GPM6B: variants seen among roughly 807,000 people sequenced by gnomAD.
The protein encoded by GPM6B is neuronal membrane glycoprotein M6-b.
In GPM6B, 4 loss-of-function variants were observed where a neutral mutation model predicts 27.2. The ratio of observed to expected loss-of-function variants is 0.15; its 90% CI spans 0.07 to 0.34. The LOEUF (loss-of-function observed/expected upper bound fraction) is 0.34. Ranked by LOEUF, GPM6B falls within the 10% of genes least tolerant of loss-of-function variation. GPM6B has a pLI of 1.00. For missense variants in GPM6B, 183 were observed against 261.9 expected (o/e 0.70, Z 2.08); for synonymous variants, 124 against 103.1 (o/e 1.20, Z -1.23).
At chrX:13,885,314 A>G (rs2050124172) in intron 1 of GPM6B, among the ~76,000 whole-genome samples, 1 of 112,611 alleles carries the variant, frequency 8.9e-6, no homozygotes, top group Non-Finnish European at 1.9e-5. Flanking sequence ...TCCATTAATT[A>G]TCTTACTTGC....
intron 1 of GPM6B, among the ~76,000 whole-genome samples, chrX:13,864,019 A>T (rs2049881370): frequency 8.9e-6 from 1 of 112,263 alleles, no homozygotes; most frequent in South Asian, 3.7e-4. Context: ...GCCATGGTTC[A>T]TTTTTTGTGG....
At chrX:13,916,663 ATGTGTG>A (rs55844856) in intron 1 of GPM6B, among the ~76,000 whole-genome samples, 1,332 of 90,160 alleles carry the variant, frequency 0.015, 15 homozygotes, top group African/African-American at 0.024. Flanking sequence ...TAGTTTATTA[ATGTGTG>A]TGTGTGTGTG....
rs753762413 is a variant in GPM6B, at chrX:13,806,004, A to T, written c.181+1646T>A. The stretch of plus-strand genomic sequence containing the variant: ...GTTTTTTTTGCTGCTTTTTTTTTCA[A>T]AAGCAGCTTTACTGAGATATAATTT... On this transcript the variant is annotated intron_variant, in intron 2 of 7. Transcript: ENST00000316715. Among the ~76,000 whole-genome samples the T allele has an allele frequency of 2.7e-5, 3 of 111,321 alleles. No homozygotes were observed. The South Asian group carries it at 1.1e-3, about 43-fold the overall frequency.
intron 1 of GPM6B, among the ~76,000 whole-genome samples, chrX:13,854,866 C>T (rs904757221): frequency 1.8e-5 from 2 of 111,349 alleles, no homozygotes; most frequent in African/African-American, 3.3e-5. Flanking sequence ...AGTTCTTCTC[C>T]CAACCTCTCT....
At chrX:13,892,606 G>T (rs2050198574) in intron 1 of GPM6B, among the ~76,000 whole-genome samples, 1 of 111,644 alleles carries the variant, frequency 9.0e-6, no homozygotes, top group African/African-American at 3.3e-5. Context: ...TGTCACCCAG[G>T]CTGGATTCAA....
chrX:13,861,166 C>T (rs771677526), intron 1 of GPM6B, among the ~76,000 whole-genome samples: 4 of 106,007 alleles, frequency 3.8e-5, no homozygotes, highest in Admixed American at 3.1e-4. Flanking sequence ...TACACACATA[C>T]ATATATATAT....
intron 1 of GPM6B, among the ~76,000 whole-genome samples, chrX:13,815,747 C>T (rs1216374134): frequency 8.9e-6 from 1 of 111,962 alleles, no homozygotes; most frequent in Non-Finnish European, 1.9e-5. Context: ...TACTGTGAAG[C>T]TGAAGTACAT....
intron 1 of GPM6B, among the ~76,000 whole-genome samples, chrX:13,811,435 G>A (rs2049129888): frequency 8.9e-6 from 1 of 112,184 alleles, no homozygotes; most frequent in African/African-American, 3.2e-5. Context: ...ACTGAGCAAG[G>A]TCTTTCAAAG....
chrX:13,787,041 CAAAAAAAAAAA>C (rs869123073), intron 2 of GPM6B, among the ~76,000 whole-genome samples: 35 of 24,509 alleles, frequency 1.4e-3, no homozygotes, highest in South Asian at 8.8e-3. Flanking sequence ...ATTAAGCCAG[CAAAAAAAAAAA>C]AAAAAAAAAA....
intron 1 of GPM6B, among the ~76,000 whole-genome samples, chrX:13,844,630 A>G (rs1240322874): frequency 8.9e-6 from 1 of 111,973 alleles, no homozygotes; most frequent in African/African-American, 3.2e-5. Flanking sequence ...TTGGAGCCCA[A>G]GTATGTGGAG....
intron 1 of GPM6B, among the ~76,000 whole-genome samples, chrX:13,896,285 G>A (rs2050232188): frequency 9.3e-6 from 1 of 107,307 alleles, no homozygotes; most frequent in Non-Finnish European, 1.9e-5. Flanking sequence ...TAAGAGAAAT[G>A]AGACCTCCAT....
chrX:13,783,305 T>C, intron 4 of GPM6B, 60 bp downstream of exon 4: 1 of 1,005,108 alleles, frequency 9.9e-7, no homozygotes, highest in East Asian at 3.3e-5. Context: ...TACAAGGAAA[T>C]ACATCAAGGC....
rs2049981036 is a variant in GPM6B, at chrX:13,871,789, C to T, written c.-198+66538G>A. Among the ~76,000 whole-genome samples the T allele has an allele frequency of 3.6e-5, 4 of 112,250 alleles. No homozygotes were observed. In the South Asian group the frequency reaches 1.1e-3, roughly 31 times the overall value. Reference sequence around the variant, plus strand: ...CCACATGTGCTAGTGGCTGCCAAATCGGACAACACAAATATAGAGCATTTC... The same window carrying T: ...CCACATGTGCTAGTGGCTGCCAAATTGGACAACACAAATATAGAGCATTTC... On this transcript the variant is annotated intron_variant, in intron 1 of 6. Coordinates refer to the GPM6B transcript ENST00000398361.
intron 1 of GPM6B, among the ~76,000 whole-genome samples, chrX:13,899,213 C>A (rs1294168965): frequency 9.2e-6 from 1 of 108,649 alleles, no homozygotes; most frequent in Non-Finnish European, 1.9e-5. Flanking sequence ...GAGTTCAAGA[C>A]CAGCCTGACC....
chrX:13,913,720 T>C (rs758637598), intron 1 of GPM6B, among the ~76,000 whole-genome samples: 1 of 111,522 alleles, frequency 9.0e-6, no homozygotes, highest in South Asian at 3.8e-4. Flanking sequence ...CATGCTTTCA[T>C]ACTCTCAACT....
chrX:13,808,240 G>A (rs910033362), intron 1 of GPM6B, among the ~76,000 whole-genome samples: 2 of 112,433 alleles, frequency 1.8e-5, no homozygotes, highest in Non-Finnish European at 3.8e-5. Context: ...GCTGTTTCTT[G>A]GATGAAATGC....
intron 1 of GPM6B, among the ~76,000 whole-genome samples, chrX:13,890,633 G>T (rs1340351072): frequency 9.0e-6 from 1 of 110,948 alleles, no homozygotes; most frequent in Non-Finnish European, 1.9e-5. Context: ...TCGATACTTG[G>T]GGCCCTTTCA....
intron 2 of GPM6B, among the ~76,000 whole-genome samples, chrX:13,787,041 C>CAA (rs869123073): frequency 0.014 from 344 of 24,467 alleles, 35 homozygotes; most frequent in South Asian, 0.053. Context: ...ATTAAGCCAG[C>CAA]AAAAAAAAAA....
rs148912223 is a variant in GPM6B, at chrX:13,794,093, G to C, written c.182-8285C>G. On this transcript the variant is annotated intron_variant, in intron 2 of 7. Coordinates refer to ENST00000316715, the MANE Select transcript of GPM6B (RefSeq NM_001001995.3). ...GCTACTTTCAAGCTACAAAGGCAGG[G>C]TTGAGTTGTTGCCACAGGTATTTAC... Among the ~76,000 whole-genome samples, 273 of 111,778 alleles carry C rather than the reference G, an allele frequency of 2.4e-3. 2 individuals are homozygous for C. The highest frequency in any genetic ancestry group is 8.5e-3 in the African/African-American group (263 of 30,842).
Sources: allele counts gnomAD v4.1 joint callset (sites outside exome capture counted in the v4.1 genomes callset), GRCh38; gene constraint gnomAD v4.1.1; transcripts MANE v1.5; gene names NCBI Gene and HGNC (gene_info 2026-07-23, HGNC 2026-07-21).